The following GALNT10 variants were observed in gnomAD, a reference collection of about 807,000 sequenced individuals.
The protein encoded by GALNT10 is GalNAc transferase 10.
A neutral mutation model predicts 75.0 loss-of-function variants in GALNT10; 41 were observed. The observed-to-expected ratio is 0.55, with a 90% confidence interval of 0.43 to 0.71. GALNT10 has a LOEUF of 0.71. GALNT10 is among the 30% of genes least tolerant of loss of function. The probability of loss-of-function intolerance (pLI) is 0.00; values close to 1 mark genes in which losing one functional copy is unlikely to be tolerated. For missense variants in GALNT10, 727 were observed against 818.5 expected, an observed-to-expected ratio of 0.89 and a Z score of 1.36; for synonymous variants, 302 against 313.0, an observed-to-expected ratio of 0.96 and a Z score of 0.37.
rs115442463 is a variant in GALNT10, at chr5:154,276,954, G to A, written c.160-17862G>A. 3.1e-3 allele frequency among the ~76,000 whole-genome samples: 478 copies of A among 152,248 alleles called. 2 individuals are homozygous for A. The highest frequency in any genetic ancestry group is 0.011 in the African/African-American group (463 of 41,536). On this transcript the variant is annotated intron_variant, in intron 1 of 11. Coordinates refer to ENST00000297107, the MANE Select transcript of GALNT10 (RefSeq NM_198321.4). ...GTTCTGTTTCTATTTTGGCACCTTA[G>A]CTTGCAAACACAGAACGGAACTGAA...
intron 3 of GALNT10, among the ~76,000 whole-genome samples, chr5:154,302,649 T>A (rs977331322): frequency 3.3e-5 from 5 of 152,230 alleles, no homozygotes; most frequent in Admixed American, 2.6e-4. Flanking sequence ...TCCAGAGATA[T>A]CCTGACCTGC....
At chr5:154,247,380 A>T (rs987272517) in intron 1 of GALNT10, among the ~76,000 whole-genome samples, 1 of 152,182 alleles carries the variant, frequency 6.6e-6, no homozygotes, top group Non-Finnish European at 1.5e-5. Context: ...GATGGCATTG[A>T]ATCTATCAAT....
chr5:154,310,441 G>GTTTT (rs34086082), intron 3 of GALNT10, among the ~76,000 whole-genome samples: 12 of 149,544 alleles, frequency 8.0e-5, no homozygotes, highest in South Asian at 2.1e-4. Flanking sequence ...GGTTTTTTTT[G>GTTTT]TTTTTTTTTT....
chr5:154,283,278 T>TA (rs59422213), intron 1 of GALNT10, among the ~76,000 whole-genome samples: 3,439 of 79,476 alleles, frequency 0.043, 247 homozygotes, highest in African/African-American at 0.14. Context: ...ACCTCGTCTG[T>TA]AAAAAAAAAA....
chr5:154,217,095 T>A (rs771592668), intron 1 of GALNT10, among the ~76,000 whole-genome samples: 9 of 152,212 alleles, frequency 5.9e-5, no homozygotes, highest in Non-Finnish European at 1.3e-4. Flanking sequence ...CCAGCAGTTA[T>A]CGAAAGCCTT....
At chr5:154,318,441 A>T (rs1754629147) in intron 3 of GALNT10, among the ~76,000 whole-genome samples, 1 of 72,276 alleles carries the variant, frequency 1.4e-5, no homozygotes, top group Non-Finnish European at 3.1e-5. Context: ...CCTATAAAAT[A>T]CTAATATATA....
chr5:154,270,150 G>T (rs538697969), intron 1 of GALNT10, among the ~76,000 whole-genome samples: 18 of 151,662 alleles, frequency 1.2e-4, no homozygotes, highest in African/African-American at 4.1e-4. Context: ...CAGCTATCTG[G>T]CTTCAAACTG....
chr5:154,260,756 T>G (rs1349121497), intron 1 of GALNT10, among the ~76,000 whole-genome samples: 1 of 152,230 alleles, frequency 6.6e-6, no homozygotes, highest in East Asian at 1.9e-4. Context: ...TCGTGATGGT[T>G]CTGCATAATG....
chr5:154,303,271 C>T (rs1480857749), intron 3 of GALNT10, among the ~76,000 whole-genome samples: 1 of 152,142 alleles, frequency 6.6e-6, no homozygotes, highest in Non-Finnish European at 1.5e-5. Flanking sequence ...GGCCATGGTA[C>T]AGGGAGGGCA....
intron 1 of GALNT10, among the ~76,000 whole-genome samples, chr5:154,234,710 G>T (rs1753218417): frequency 6.6e-6 from 1 of 152,244 alleles, no homozygotes; most frequent in African/African-American, 2.4e-5. Flanking sequence ...GCCCTGCACT[G>T]AGAGAGGCCC....
rs1285605889 is a variant in GALNT10, at chr5:154,419,124, G to A, written c.*2152G>A. ...GTGGTGTGTGCAGTTCCTACTGGAT[G>A]AGTGTGTGTTTCTTAATGTCTCATT... On this transcript the variant is annotated 3_prime_UTR_variant, in exon 12 of 12. Transcript: ENST00000297107. 2 of 152,108 alleles carry A rather than the reference G, an allele frequency of 1.3e-5. No homozygotes were observed. The highest frequency in any genetic ancestry group is 4.8e-5 in the African/African-American group (2 of 41,312). The allele number at this position is 152,108 out of a possible 1,614,324, so 9.4% of individuals were successfully genotyped here.
intron 4 of GALNT10, among the ~76,000 whole-genome samples, chr5:154,349,045 C>T (rs1755168400): frequency 6.6e-6 from 1 of 152,056 alleles, no homozygotes; most frequent in Admixed American, 6.6e-5. Context: ...TCAAGGCTCT[C>T]ACTTGAGGTT....
intron 1 of GALNT10, among the ~76,000 whole-genome samples, chr5:154,249,537 C>T (rs1471976709): frequency 1.3e-5 from 2 of 152,140 alleles, no homozygotes; most frequent in South Asian, 2.1e-4. Context: ...ATGCCCACCA[C>T]CAGTAAGACC....
At chr5:154,214,481 A>T (rs78821619) in intron 1 of GALNT10, among the ~76,000 whole-genome samples, 1 of 152,128 alleles carries the variant, frequency 6.6e-6, no homozygotes, top group East Asian at 1.9e-4. Context: ...GAGAAAAAAA[A>T]CCCCAAACCT....
At chr5:154,366,945 T>C (rs567815866) in intron 4 of GALNT10, among the ~76,000 whole-genome samples, 1 of 152,290 alleles carries the variant, frequency 6.6e-6, no homozygotes, top group African/African-American at 2.4e-5. Context: ...TGTCTCAGGA[T>C]CAAGTGGGCC....
At chr5:154,224,155 C>T (rs188297411) in intron 1 of GALNT10, among the ~76,000 whole-genome samples, 35 of 152,150 alleles carry the variant, frequency 2.3e-4, no homozygotes, top group South Asian at 6.2e-4. Context: ...ATTTGAGCAG[C>T]GGGGAGGGGA....
intron 4 of GALNT10, among the ~76,000 whole-genome samples, chr5:154,372,587 A>C (rs1755589595): frequency 1.3e-5 from 2 of 152,196 alleles, no homozygotes; most frequent in Non-Finnish European, 2.9e-5. Context: ...AGTGCCTGTG[A>C]CAGGCAGCAC....
At chr5:154,403,725 A>G (rs988626798) in intron 7 of GALNT10, 2 of 304,978 alleles carry the variant, frequency 6.6e-6, no homozygotes, top group Non-Finnish European at 6.3e-6. Flanking sequence ...TTCTGAAGTC[A>G]GCTAAAACAG....
intron 3 of GALNT10, among the ~76,000 whole-genome samples, chr5:154,307,574 C>G (rs1410761176): frequency 6.7e-6 from 1 of 150,296 alleles, no homozygotes. Context: ...GAGTCGAGAT[C>G]GCACCACTGC....
Sources: allele counts gnomAD v4.1 joint callset (sites outside exome capture counted in the v4.1 genomes callset), GRCh38; gene constraint gnomAD v4.1.1; transcripts MANE v1.5; gene names NCBI Gene and HGNC (gene_info 2026-07-23, HGNC 2026-07-21).